AGPAT3: variants seen among roughly 807,000 people sequenced by gnomAD.
The protein encoded by AGPAT3 is 1-acylglycerol-3-phosphate O-acyltransferase 3.
A neutral mutation model predicts 47.3 loss-of-function variants in AGPAT3; 5 were observed. The observed-to-expected ratio is 0.11, with a 90% CI of 0.06 to 0.22. The LOEUF (loss-of-function observed/expected upper bound fraction) is 0.22. AGPAT3 is among the 10% of genes least tolerant of loss of function. The pLI, the probability that AGPAT3 is intolerant of heterozygous loss-of-function variation, is 1.00. For synonymous variants in AGPAT3, 212 were observed against 208.3 expected (o/e 1.02, Z -0.15); for missense variants, 315 against 493.0 (o/e 0.64, Z 3.42).
In AGPAT3 at chr21:43,986,449, A is replaced by G. The variant is rs1444559635; in HGVS notation, c.*4057A>G. 1 of 152,678 alleles carries G rather than the reference A, an allele frequency of 6.5e-6. No homozygotes were observed. Among genetic ancestry groups the G allele is most frequent in the Non-Finnish European group, 1.5e-5 (1 of 68,046 alleles). 9.5% of individuals were successfully genotyped at this position (152,678 alleles called of 1,614,324 possible). The stretch of plus-strand genomic sequence containing the variant: ...CCATTTCTTAACTTTTTGTTGCACA[A>G]GTATTTGGACAGAAGTCGAACTGTG... On this transcript the variant is annotated 3_prime_UTR_variant, in exon 10 of 10. Transcript: ENST00000291572.
At position 43,981,591 on chromosome 21, in the gene AGPAT3, TC is replaced by T. The variant is rs1458549195; in HGVS notation, c.1042+408del. 6.6e-6 allele frequency among the ~76,000 whole-genome samples: 1 copy of T among 151,878 alleles called. No homozygotes were observed. Among genetic ancestry groups the T allele is most frequent in the Non-Finnish European group, 1.5e-5 (1 of 67,972 alleles). On this transcript the variant is annotated intron_variant, in intron 9 of 9. Coordinates refer to ENST00000291572, the MANE Select transcript of AGPAT3 (RefSeq NM_020132.5). The surrounding 1 kb of genome is among the most constrained non-coding windows in gnomAD (Gnocchi z 5.3). ...TCCTCCCCATTGACCCCCAGTGACT[TC>T]CCCACTGTGTGCCCACCCCAGGCAC...
intron 2 of AGPAT3, among the ~76,000 whole-genome samples, chr21:43,926,978 CAAAAAAAAAAA>C (rs905520861): frequency 1.8e-5 from 1 of 54,496 alleles, no homozygotes; most frequent in Non-Finnish European, 3.9e-5. Flanking sequence ...GACTCTGTCT[CAAAAAAAAAAA>C]AAAAAAAAAA....
rs2089155791 is a variant in AGPAT3 at position 43,966,928 on chromosome 21, C to G, written c.179-1018C>G. 3 of 152,244 alleles carry G rather than the reference C, an allele frequency of 2.0e-5. No homozygotes were observed. The South Asian group carries it at 6.2e-4, about 31-fold the overall frequency. 9.4% of individuals were successfully genotyped at this position (152,244 alleles called of 1,614,324 possible). Reference sequence around the variant, plus strand: ...CCGACAAGAGGCCCACCTGCTTGGCCTCCCTCTTGTCCTTCCCCACATGGC... The same window carrying G: ...CCGACAAGAGGCCCACCTGCTTGGCGTCCCTCTTGTCCTTCCCCACATGGC... On this transcript the variant is annotated intron_variant, in intron 3 of 9. Transcript: ENST00000291572.
intron 1 of AGPAT3, chr21:43,867,348 T>A (rs2085530517): frequency 6.6e-6 from 1 of 152,108 alleles, no homozygotes; most frequent in Non-Finnish European, 1.5e-5. Flanking sequence ...AAATCAGAGG[T>A]AGGTGGGAAA....
chr21:43,941,554 C>A (rs1453605302), intron 2 of AGPAT3, among the ~76,000 whole-genome samples: 1 of 152,162 alleles, frequency 6.6e-6, no homozygotes, highest in African/African-American at 2.4e-5. Context: ...CTCTAAAAAA[C>A]AAACAGAACC....
rs2030096798 is a variant in AGPAT3 at position 43,984,851 on chromosome 21, C to A, written c.*2459C>A. 1 of 306,890 alleles carries A rather than the reference C, an allele frequency of 3.3e-6. No homozygotes were observed. The highest frequency in any genetic ancestry group is 4.7e-5 in the Admixed American group (1 of 21,120). 19.0% of individuals were successfully genotyped at this position (306,890 alleles called of 1,614,324 possible). On this transcript the variant is annotated 3_prime_UTR_variant, in exon 10 of 10. Coordinates refer to ENST00000291572, the MANE Select transcript of AGPAT3 (RefSeq NM_020132.5). ...GAGCTTAATTCAGTTGATGTTATGTCCAAATTCAGGCTGAGTGCTCAGGCT... is the reference window on the plus strand; with the variant it reads ...GAGCTTAATTCAGTTGATGTTATGTACAAATTCAGGCTGAGTGCTCAGGCT...
rs182445630 is a variant in AGPAT3, at chr21:43,937,044, G to A, written c.-48-22590G>A. Among the ~76,000 whole-genome samples, 146 of 152,282 alleles carry A rather than the reference G, an allele frequency of 9.6e-4. 2 individuals are homozygous for A. The highest frequency in any genetic ancestry group is 1.7e-3 in the Non-Finnish European group (113 of 68,022). On this transcript the variant is annotated intron_variant, in intron 2 of 9. Coordinates refer to ENST00000291572, the MANE Select transcript of AGPAT3 (RefSeq NM_020132.5). ...TTTTTAAAAGGAATTCTCCATTCAC[G>A]TACTGTTCTGAATGGTAGCCATGTT...
chr21:43,866,980 C>T (rs1387064285), intron 1 of AGPAT3, among the ~76,000 whole-genome samples: 2 of 152,258 alleles, frequency 1.3e-5, no homozygotes, highest in Admixed American at 6.5e-5. Flanking sequence ...CCGCCCCAGG[C>T]TGGGGCCCCA....
chr21:43,952,445 T>C lies in AGPAT3; in HGVS notation c.-48-7189T>C, dbSNP rs2088244273. Among the ~76,000 whole-genome samples, 1 of 152,154 alleles carries C rather than the reference T, an allele frequency of 6.6e-6. No homozygotes were observed. The highest frequency in any genetic ancestry group is 1.5e-5 in the Non-Finnish European group (1 of 68,004). On this transcript the variant is annotated intron_variant, in intron 2 of 9. Transcript: ENST00000291572. The surrounding 1 kb of genome is among the most constrained non-coding windows in gnomAD (Gnocchi z 5.6). ...CCTAACAAAAGGTGGCAGAATTGGG[T>C]GTGGGCGTGTGGGGCTGGGCTCTGA...
rs376798847 is a variant in AGPAT3 at position 43,873,006 on chromosome 21, G to A, written c.-112+7661G>A. On this transcript the variant is annotated intron_variant, in intron 1 of 9. Transcript: ENST00000291572. ...TGCGGCCTCCCCCTGCCGGGACGGC[G>A]AAACTTAAAAGACTGTGGGGACAAG... is the stretch of plus-strand genomic sequence containing the variant. Among the ~76,000 whole-genome samples the A allele has an allele frequency of 5.4e-4, 83 of 152,356 alleles. 1 individual carries two copies. The Middle Eastern group carries it at 0.024, about 44-fold the overall frequency.
intron 7 of AGPAT3, among the ~76,000 whole-genome samples, chr21:43,975,891 C>T (rs1018181915): frequency 4.6e-5 from 7 of 152,050 alleles, no homozygotes; most frequent in South Asian, 4.2e-4. Flanking sequence ...CTCTGACGGC[C>T]GTCGCAGGGA....
intron 7 of AGPAT3, among the ~76,000 whole-genome samples, chr21:43,973,383 T>C (rs1048845573): frequency 6.6e-6 from 1 of 152,230 alleles, no homozygotes; most frequent in East Asian, 1.9e-4. Flanking sequence ...TGGCCACAGC[T>C]GGCCTCAGTC....
rs2088435260 is a variant in AGPAT3, at chr21:43,955,943, C to T, written c.-48-3691C>T. ...CAGATTCCTGTACTTTGCGCCGTAGCAACGGAATCAGCAGGTCTGCTGTGG... is the reference window on the plus strand; with the variant it reads ...CAGATTCCTGTACTTTGCGCCGTAGTAACGGAATCAGCAGGTCTGCTGTGG... On this transcript the variant is annotated intron_variant, in intron 2 of 9. Coordinates refer to ENST00000291572, the MANE Select transcript of AGPAT3 (RefSeq NM_020132.5). This position sits in a 1 kb window ranked among gnomAD's most constrained non-coding sequence, Gnocchi z 4.1. 6.6e-6 allele frequency among the ~76,000 whole-genome samples: 1 copy of T among 151,754 alleles called. No homozygotes were observed. Among genetic ancestry groups the T allele is most frequent in the African/African-American group, 2.4e-5 (1 of 41,254 alleles).
At chr21:43,948,304 C>T (rs1312162437) in intron 2 of AGPAT3, 1 of 152,212 alleles carries the variant, frequency 6.6e-6, no homozygotes, top group Non-Finnish European at 1.5e-5. Context: ...ACTGCCTCCT[C>T]ACCGAGGGAG....
At chr21:43,926,850 A>G (rs767392456) in intron 2 of AGPAT3, among the ~76,000 whole-genome samples, 3 of 151,562 alleles carry the variant, frequency 2.0e-5, no homozygotes, top group Non-Finnish European at 4.4e-5. Flanking sequence ...GATCCCAGCT[A>G]CTTGGGAGGC....
chr21:43,976,191 C>T (rs1009289803), intron 7 of AGPAT3, among the ~76,000 whole-genome samples: 10 of 152,130 alleles, frequency 6.6e-5, no homozygotes, highest in Non-Finnish European at 1.0e-4. Context: ...CTCAGCCTCT[C>T]GAGTAGCTGG....
At chr21:43,897,208 C>T (rs1239355170) in intron 1 of AGPAT3, among the ~76,000 whole-genome samples, 3 of 151,918 alleles carry the variant, frequency 2.0e-5, no homozygotes, top group Non-Finnish European at 4.4e-5. Flanking sequence ...GCACATCTTG[C>T]ACCGCCCTTA....
At chr21:43,869,967 A>G (rs1217474062) in intron 1 of AGPAT3, among the ~76,000 whole-genome samples, 1 of 152,236 alleles carries the variant, frequency 6.6e-6, no homozygotes, top group Non-Finnish European at 1.5e-5. Context: ...TGGCCTCCCC[A>G]GTAACTGGGA....
At chr21:43,978,688 G>T (rs578141139) in intron 8 of AGPAT3, among the ~76,000 whole-genome samples, 2 of 152,280 alleles carry the variant, frequency 1.3e-5, no homozygotes, top group African/African-American at 4.8e-5. Context: ...ATTATGGCTG[G>T]TAACATTTGG....
Sources: gnomAD v4.1 joint callset for allele counts (sites outside exome capture counted in the v4.1 genomes callset) on GRCh38, gnomAD v4.1.1 for gene constraint, Gnocchi (gnomAD v3.1) non-coding constraint, MANE v1.5 for transcripts, NCBI Gene and HGNC (gene_info 2026-07-23, HGNC 2026-07-21) for gene names.